The following MYO5B variants were observed in gnomAD, a reference collection of about 807,000 sequenced individuals.
MYO5B encodes unconventional myosin-Vb.
Under a neutral mutation model 229.3 loss-of-function variants are expected in MYO5B, and 143 were observed. That is an observed-to-expected ratio of 0.62 (90% confidence interval 0.54 to 0.72). MYO5B has a LOEUF of 0.72. Among genes scored for constraint, MYO5B ranks in the 30% least tolerant of loss-of-function variants. MYO5B has a pLI of 0.00. For missense variants in MYO5B, 2,321 were observed against 2,331.0 expected, an observed-to-expected ratio of 1.00 and a Z score of 0.09; for synonymous variants, 918 against 885.2, an observed-to-expected ratio of 1.04 and a Z score of -0.66.
At chr18:49,909,327 C>T (rs2024933555) in intron 18 of MYO5B, among the ~76,000 whole-genome samples, 1 of 152,196 alleles carries the variant, frequency 6.6e-6, no homozygotes, top group Non-Finnish European at 1.5e-5. Context: ...TAACTGCACT[C>T]AGTGACATTA....
At chr18:50,042,662 ATTAGCAGGATTC>A (rs1191314738) in intron 2 of MYO5B, among the ~76,000 whole-genome samples, 136 of 152,252 alleles carry the variant, frequency 8.9e-4, no homozygotes, top group African/African-American at 3.2e-3. Context: ...TGTTCCTGGT[ATTAGCAGGATTC>A]TTAGCAGGAT....
intron 1 of MYO5B, among the ~76,000 whole-genome samples, chr18:50,178,432 A>G (rs1188825727): frequency 6.6e-6 from 1 of 152,230 alleles, no homozygotes; most frequent in Admixed American, 6.5e-5. Flanking sequence ...ATTTCTTAGT[A>G]TCCACAGTAC....
At chr18:50,093,126 G>A (rs1208215980) in intron 1 of MYO5B, among the ~76,000 whole-genome samples, 2 of 151,840 alleles carry the variant, frequency 1.3e-5, no homozygotes, top group Middle Eastern at 3.4e-3. Flanking sequence ...CTTCCCTCAT[G>A]ATTCAAGAAA....
chr18:50,156,516 T>TC (rs1212326623), intron 1 of MYO5B, among the ~76,000 whole-genome samples: 4 of 152,296 alleles, frequency 2.6e-5, no homozygotes, highest in African/African-American at 7.2e-5. Flanking sequence ...CGTGTTTGCT[T>TC]CCCCTTCAGC....
intron 1 of MYO5B, among the ~76,000 whole-genome samples, chr18:50,165,786 AAAGGAAGGAAGG>A (rs58511275): frequency 4.7e-5 from 7 of 150,082 alleles, no homozygotes; most frequent in Admixed American, 2.7e-4. Context: ...TGAAAGAAAA[AAAGGAAGGAAGG>A]AAGGAAGGAA....
intron 1 of MYO5B, among the ~76,000 whole-genome samples, chr18:50,074,768 T>C (rs910414431): frequency 1.3e-5 from 2 of 152,188 alleles, no homozygotes; most frequent in African/African-American, 4.8e-5. Context: ...CTTGCCTGTC[T>C]CATGCCCATA....
intron 1 of MYO5B, among the ~76,000 whole-genome samples, chr18:50,107,109 C>CTT (rs71169479): frequency 0.055 from 3,090 of 56,696 alleles, 617 homozygotes; most frequent in Non-Finnish European, 0.073. Context: ...CTTAGGGTGC[C>CTT]TTTTTTTTTT....
At chr18:50,110,982 T>C (rs909653008) in intron 1 of MYO5B, among the ~76,000 whole-genome samples, 7 of 152,204 alleles carry the variant, frequency 4.6e-5, no homozygotes, top group East Asian at 1.9e-4. Context: ...CTTTAAAATG[T>C]TCACAATGAT....
intron 21 of MYO5B, among the ~76,000 whole-genome samples, chr18:49,895,602 G>C (rs1322893023): frequency 6.6e-6 from 1 of 152,170 alleles, no homozygotes; most frequent in Admixed American, 6.5e-5. Flanking sequence ...CCAGCACAAA[G>C]AGTTGCAATC....
chr18:49,945,385 G>T (rs1256829711), intron 14 of MYO5B, among the ~76,000 whole-genome samples: 1 of 151,968 alleles, frequency 6.6e-6, no homozygotes, highest in Non-Finnish European at 1.5e-5. Flanking sequence ...CTAGAATCCT[G>T]TCCTCACCCT....
chr18:50,133,186 C>CA lies in MYO5B; in HGVS notation c.27+61580dup, dbSNP rs200897250. ...ATCCATGGCCCCCTTCAAAGTACTT[C>CA]AACACAGACTACATATCCCAGGCAA... On this transcript the variant is annotated intron_variant, in intron 1 of 39. Coordinates refer to ENST00000285039, the MANE Select transcript of MYO5B (RefSeq NM_001080467.3). Among the ~76,000 whole-genome samples, 692 of 152,292 alleles carry CA rather than the reference C, an allele frequency of 4.5e-3. 7 individuals carry two copies. Among genetic ancestry groups the CA allele is most frequent in the African/African-American group, 0.016 (653 of 41,556 alleles).
chr18:49,949,646 T>C (rs965353358), intron 14 of MYO5B, among the ~76,000 whole-genome samples: 6 of 152,138 alleles, frequency 3.9e-5, no homozygotes, highest in African/African-American at 1.2e-4. Context: ...TAATTTCTTA[T>C]CAAGGATGTC....
intron 17 of MYO5B, among the ~76,000 whole-genome samples, chr18:49,921,069 A>G (rs1389695014): frequency 6.6e-6 from 1 of 152,150 alleles, no homozygotes; most frequent in Admixed American, 6.5e-5. Context: ...AAACTCAACC[A>G]TGATTAAATA....
chr18:50,084,097 A>G (rs575335444), intron 1 of MYO5B, among the ~76,000 whole-genome samples: 15 of 152,294 alleles, frequency 9.8e-5, no homozygotes, highest in African/African-American at 3.4e-4. Context: ...TTTCAGAACA[A>G]TATCTGGCAC....
Position 50,161,880 on chromosome 18 carries a change from T to C in MYO5B, c.27+32887A>G, listed in dbSNP as rs1396311806. Among the ~76,000 whole-genome samples the C allele has an allele frequency of 3.3e-5, 5 of 152,334 alleles. No individual in the cohort carries two copies. In the South Asian group the frequency reaches 6.2e-4, roughly 19 times the overall value. The stretch of plus-strand genomic sequence containing the variant: ...GAAAGCTGCTAGGGGAAAAACAGCA[T>C]GAGTTTTTGAGAATTCAAAGATGCC... On this transcript the variant is annotated intron_variant, in intron 1 of 39. Transcript: ENST00000285039.
chr18:49,892,697 G>A (rs1202870822), intron 22 of MYO5B, among the ~76,000 whole-genome samples: 2 of 152,174 alleles, frequency 1.3e-5, no homozygotes, highest in Non-Finnish European at 2.9e-5. Flanking sequence ...AAAAAAGCCA[G>A]CCAGCTCATC....
intron 1 of MYO5B, among the ~76,000 whole-genome samples, chr18:50,075,195 C>T (rs1258768938): frequency 6.6e-6 from 1 of 152,092 alleles, no homozygotes; most frequent in Non-Finnish European, 1.5e-5. Flanking sequence ...GAGCGCATTC[C>T]AGTTGTCCTT....
rs151260257 is a variant in MYO5B, at chr18:50,057,687, G to A, written c.28-2309C>T. Among the ~76,000 whole-genome samples, 332 of 152,210 alleles carry A rather than the reference G, an allele frequency of 2.2e-3. 1 individual carries two copies. Among genetic ancestry groups the A allele is most frequent in the African/African-American group, 7.6e-3 (316 of 41,532 alleles). On this transcript the variant is annotated intron_variant, in intron 1 of 39. Coordinates refer to ENST00000285039, the MANE Select transcript of MYO5B (RefSeq NM_001080467.3). ...TAAAGAGACTGAGAGCACCTGGTAG[G>A]CATACAATTGGCTTCTCATATTGTC...
intron 26 of MYO5B, among the ~76,000 whole-genome samples, chr18:49,874,009 C>G (rs561660338): frequency 6.6e-6 from 1 of 152,264 alleles, no homozygotes; most frequent in African/African-American, 2.4e-5. Context: ...AGTTCAGGAT[C>G]CCTCTTTGGA....
Sources: gnomAD v4.1 joint callset for allele counts (sites outside exome capture counted in the v4.1 genomes callset) on GRCh38, gnomAD v4.1.1 for gene constraint, MANE v1.5 for transcripts, NCBI Gene and HGNC (gene_info 2026-07-23, HGNC 2026-07-21) for gene names.